The following ZNF423 variants were observed in gnomAD, a reference collection of about 807,000 sequenced individuals.
The protein encoded by ZNF423 is Ebf-associated zinc finger protein.
ZNF423 carries 12 observed loss-of-function variants against 95.8 expected under a neutral mutation model. The observed-to-expected ratio is 0.13, with a 90% CI of 0.08 to 0.20. The LOEUF is 0.20. Among genes scored for constraint, ZNF423 ranks in the 10% least tolerant of loss-of-function variants. ZNF423 has a pLI of 1.00. For synonymous variants in ZNF423, 749 were observed against 711.9 expected (o/e 1.05, Z -0.83); for missense variants, 1,316 against 1,737.1 (o/e 0.76, Z 4.31).
intron 3 of ZNF423, among the ~76,000 whole-genome samples, chr16:49,656,981 C>T (rs376136033): frequency 3.9e-5 from 6 of 152,252 alleles, no homozygotes; most frequent in African/African-American, 1.2e-4. Flanking sequence ...AGGCTGTGTT[C>T]CTAACCACCG....
chr16:49,586,375 T>C (rs1382014270), intron 5 of ZNF423, among the ~76,000 whole-genome samples: 1 of 152,194 alleles, frequency 6.6e-6, no homozygotes, highest in Non-Finnish European at 1.5e-5. Context: ...TAATTAAGAA[T>C]TGTTCAAGCC....
At chr16:49,762,660 G>A (rs1393224900) in intron 2 of ZNF423, among the ~76,000 whole-genome samples, 1 of 152,130 alleles carries the variant, frequency 6.6e-6, no homozygotes, top group Non-Finnish European at 1.5e-5. Flanking sequence ...AGGACTGGAG[G>A]GCTGGCAGCT....
At chr16:49,856,429 A>G (rs80142685), upstream of ZNF423, among the ~76,000 whole-genome samples, 2 of 80,784 alleles carry the variant, frequency 2.5e-5, no homozygotes, top group Non-Finnish European at 5.6e-5. Flanking sequence ...CCCCCCAGGA[A>G]AAAAAAAAAA....
chr16:49,652,647 A>T lies in ZNF423; in HGVS notation c.302-13773T>A, dbSNP rs12444011. ...ATGAAGCAACACCGCCAAGGGCCTGAGCAAAGGGCGCTCTGCTCCACTCGA... is the reference window on the plus strand; with the variant it reads ...ATGAAGCAACACCGCCAAGGGCCTGTGCAAAGGGCGCTCTGCTCCACTCGA... On this transcript the variant is annotated intron_variant, in intron 3 of 7. Transcript: ENST00000563137. 3.4e-3 allele frequency among the ~76,000 whole-genome samples: 524 copies of T among 152,182 alleles called. 2 individuals carry two copies. The highest frequency in any genetic ancestry group is 0.012 in the African/African-American group (504 of 41,524).
At chr16:49,542,149 C>T (rs28499366) in intron 5 of ZNF423, among the ~76,000 whole-genome samples, 15,159 of 152,204 alleles carry the variant, frequency 0.1, 971 homozygotes, top group African/African-American at 0.18. Flanking sequence ...ACCAGAGATT[C>T]CCAGTGGCAG....
chr16:49,657,665 G>T (rs2029955063), intron 3 of ZNF423, among the ~76,000 whole-genome samples: 1 of 152,230 alleles, frequency 6.6e-6, no homozygotes, highest in African/African-American at 2.4e-5. Flanking sequence ...AAGCCCAGTG[G>T]TCTACAGCAG....
intron 3 of ZNF423, among the ~76,000 whole-genome samples, chr16:49,677,895 T>C (rs2031186268): frequency 2.6e-5 from 4 of 152,104 alleles, no homozygotes; most frequent in Admixed American, 2.6e-4. Context: ...AAATATGACA[T>C]TTTTTGGCCA....
intron 5 of ZNF423, among the ~76,000 whole-genome samples, chr16:49,561,470 A>T (rs1352963550): frequency 6.6e-6 from 1 of 152,068 alleles, no homozygotes; most frequent in African/African-American, 2.4e-5. Flanking sequence ...ACCTTTGTAT[A>T]CTCCCCTTAA....
chr16:49,695,361 C>T (rs891139091), intron 3 of ZNF423, among the ~76,000 whole-genome samples: 16 of 152,188 alleles, frequency 1.1e-4, no homozygotes, highest in African/African-American at 2.7e-4. Context: ...GGCACAATCT[C>T]GGCTCACCGC....
At chr16:49,514,274 A>C in intron 7 of ZNF423, among the ~76,000 whole-genome samples, 1 of 151,728 alleles carries the variant, frequency 6.6e-6, no homozygotes, top group East Asian at 1.9e-4. Flanking sequence ...GCACATACAC[A>C]CACCACTCTC....
In ZNF423 at chr16:49,487,568, G is replaced by C. The variant is rs868564759; in HGVS notation, c.*3707C>G. On this transcript the variant is annotated 3_prime_UTR_variant, in exon 8 of 8. Coordinates refer to ENST00000563137, the MANE Select transcript of ZNF423 (RefSeq NM_001379286.1). ...TCACTTTATTCATCGTTGTCATCAT[G>C]ATTGTTATAATAAAATTAACAATGG... The C allele has an allele frequency of 6.6e-6, 1 of 152,126 alleles. No homozygotes were observed. Among genetic ancestry groups the C allele is most frequent in the Non-Finnish European group, 1.5e-5 (1 of 68,032 alleles). The allele number at this position is 152,126 out of a possible 1,614,324, so 9.4% of individuals were successfully genotyped here.
intron 3 of ZNF423, among the ~76,000 whole-genome samples, chr16:49,683,137 C>A (rs1596849080): frequency 6.6e-6 from 1 of 152,180 alleles, no homozygotes; most frequent in Non-Finnish European, 1.5e-5. Flanking sequence ...GGGTGCCTGG[C>A]GTCTGCCTCC....
intron 3 of ZNF423, chr16:49,664,247 C>G: frequency 1.0e-6 from 1 of 985,566 alleles, no homozygotes; most frequent in Non-Finnish European, 1.2e-6. Context: ...CGGGACGCAT[C>G]CCCACCCGGC....
chr16:49,802,589 G>A (rs2143907786), intron 1 of ZNF423, among the ~76,000 whole-genome samples: 1 of 152,314 alleles, frequency 6.6e-6, no homozygotes, highest in East Asian at 1.9e-4. Context: ...GTCACAGGAG[G>A]AGGAGGAAGG....
intron 5 of ZNF423, among the ~76,000 whole-genome samples, chr16:49,586,251 G>A (rs893831298): frequency 2.0e-5 from 3 of 151,814 alleles, no homozygotes; most frequent in Non-Finnish European, 2.9e-5. Flanking sequence ...ACGACACTTC[G>A]ATTTAATTAC....
At chr16:49,674,184 G>A (rs545921542) in intron 3 of ZNF423, among the ~76,000 whole-genome samples, 2 of 152,328 alleles carry the variant, frequency 1.3e-5, no homozygotes, top group African/African-American at 2.4e-5. Flanking sequence ...ATTTAGCTGT[G>A]TGCTGAGCAA....
At chr16:49,540,122 C>T (rs1969197097) in intron 5 of ZNF423, among the ~76,000 whole-genome samples, 1 of 152,218 alleles carries the variant, frequency 6.6e-6, no homozygotes, top group Admixed American at 6.5e-5. Context: ...GGCAGACACA[C>T]ACATGCACAG....
chr16:49,621,665 C>A (rs1319657331), intron 5 of ZNF423, among the ~76,000 whole-genome samples: 1 of 152,168 alleles, frequency 6.6e-6, no homozygotes, highest in African/African-American at 2.4e-5. Context: ...ACTTTTACCC[C>A]CGTCAGCGGC....
chr16:49,555,458 T>A (rs1969787279), intron 5 of ZNF423, among the ~76,000 whole-genome samples: 1 of 152,256 alleles, frequency 6.6e-6, no homozygotes, highest in Non-Finnish European at 1.5e-5. Flanking sequence ...TCTGTTGTCC[T>A]CTGCTATTTT....
Sources: allele counts gnomAD v4.1 joint callset (sites outside exome capture counted in the v4.1 genomes callset), GRCh38; gene constraint gnomAD v4.1.1; transcripts MANE v1.5; gene names NCBI Gene and HGNC (gene_info 2026-07-23, HGNC 2026-07-21).